THRA: variants seen among roughly 807,000 people sequenced by gnomAD.
THRA encodes the protein thyroid hormone receptor alpha.
A neutral mutation model predicts 45.0 loss-of-function variants in THRA; 13 were observed. That is an observed-to-expected ratio of 0.29 (90% CI 0.19 to 0.46). The LOEUF is 0.46. Ranked by LOEUF, THRA falls within the 20% of genes least tolerant of loss-of-function variation. The probability of loss-of-function intolerance (pLI) is 1.00; values close to 1 mark genes in which losing one functional copy is unlikely to be tolerated. For missense variants in THRA, 278 were observed against 556.1 expected, an observed-to-expected ratio of 0.50 and a Z score of 5.03; for synonymous variants, 195 against 214.0, an observed-to-expected ratio of 0.91 and a Z score of 0.78.
intron 1 of THRA, among the ~76,000 whole-genome samples, chr17:40,070,179 G>A (rs1986724447): frequency 6.6e-6 from 1 of 151,974 alleles, no homozygotes; most frequent in Non-Finnish European, 1.5e-5. Context: ...GGCCCAGTGA[G>A]AGCTCACCAA....
At chr17:40,073,333 A>G (rs982064645) in intron 1 of THRA, among the ~76,000 whole-genome samples, 1 of 152,182 alleles carries the variant, frequency 6.6e-6, no homozygotes, top group East Asian at 1.9e-4. Flanking sequence ...GTAGCAGAAC[A>G]AGGCTAGCAT....
At chr17:40,062,773 G>A (rs1357438468), upstream of THRA, 2 of 142,670 alleles carry the variant, frequency 1.4e-5, no homozygotes, top group Non-Finnish European at 1.6e-5. Context: ...GGGTCCCGGG[G>A]CGCGGCAGGG....
At position 40,076,894 on chromosome 17, in the gene THRA, G is replaced by T; in HGVS notation, c.77G>T (p.Arg26Leu). ...ENSARSPDGK[R>L]KRKNGQCSLK... is the part of the protein sequence containing the mutation. ...AGTGCCAGGTCACCAGATGGAAAGC[G>T]AAAAAGAAAGAACGGCCAATGTTCC... Residue 26 changes from arginine to leucine, a missense_variant, in exon 3 of 9, where the codon CGA becomes CTA. Arg to Leu is a moderately radical substitution (Grantham distance 102). Around this residue, in one of 6 missense-constraint regions of THRA, gnomAD observed 34 missense variants for 39.7 expected, o/e 0.86. Transcript: ENST00000450525. 6.2e-7 allele frequency: 1 copy of T among 1,614,078 alleles called. No individual in the cohort carries two copies. Among genetic ancestry groups the T allele is most frequent in the Middle Eastern group, 1.7e-4 (1 of 6,060 alleles).
intron 4 of THRA, among the ~76,000 whole-genome samples, chr17:40,081,338 C>T (rs1233331975): frequency 2.0e-5 from 3 of 151,942 alleles, no homozygotes; most frequent in Non-Finnish European, 4.4e-5. Context: ...GCAGCCTTGA[C>T]CTCCTGGTCT....
At chr17:40,065,758 C>T (rs1986532635) in intron 1 of THRA, among the ~76,000 whole-genome samples, 1 of 91,070 alleles carries the variant, frequency 1.1e-5, no homozygotes, top group East Asian at 3.3e-4. Context: ...GTTTTAGGGG[C>T]TGGGAATGGG....
At chr17:40,085,686 C>T (rs1030963993) in intron 6 of THRA, among the ~76,000 whole-genome samples, 1 of 151,268 alleles carries the variant, frequency 6.6e-6, no homozygotes, top group Non-Finnish European at 1.5e-5. Flanking sequence ...TCTTGTTGTC[C>T]AGGCTGGAGT....
At chr17:40,074,093 T>C (rs1986868163) in intron 1 of THRA, 99 bp from the exon 2 acceptor site, 1 of 239,114 alleles carries the variant, frequency 4.2e-6, no homozygotes, top group African/African-American at 2.3e-5. Flanking sequence ...TGCTGTCTTG[T>C]TATGGGATCC....
chr17:40,089,052 A>G lies in THRA; in HGVS notation c.983-154A>G, dbSNP rs1457060548. Reference sequence around the variant, plus strand: ...CCCTCTCCCTGTGCTTCTCCTGTCCACGTCTCTCAGGGGGAGCTTCTCCCC... The same window carrying G: ...CCCTCTCCCTGTGCTTCTCCTGTCCGCGTCTCTCAGGGGGAGCTTCTCCCC... On this transcript the variant is annotated intron_variant, in intron 8 of 8. Coordinates refer to ENST00000450525, the MANE Select transcript of THRA (RefSeq NM_199334.5). This position sits in a 1 kb window ranked among gnomAD's most constrained non-coding sequence, Gnocchi z 6.1. Among the ~76,000 whole-genome samples the G allele has an allele frequency of 9.1e-6, 1 of 109,624 alleles. No homozygotes were observed. Among genetic ancestry groups the G allele is most frequent in the Non-Finnish European group, 1.8e-5 (1 of 56,640 alleles). The allele number at this position is 109,624 out of a possible 152,430, so 71.9% of individuals were successfully genotyped here. A position where few individuals can be genotyped will look rare whatever the true frequency, so the allele number is the denominator to read the frequency against.
chr17:40,084,598 C>G lies in THRA; in HGVS notation c.371-12C>G. ...GTGCCATGCGTTAGACCTTGTGCCT[C>G]TCTGTTCACAGTGGTTCTAGATGAC... On this transcript the variant is annotated splice_polypyrimidine_tract_variant and intron_variant, in intron 5 of 8. Coordinates refer to ENST00000450525, the MANE Select transcript of THRA (RefSeq NM_199334.5). 6.2e-7 allele frequency: 1 copy of G among 1,613,814 alleles called. No homozygotes were observed. The highest frequency in any genetic ancestry group is 8.5e-7 in the Non-Finnish European group (1 of 1,179,836).
rs1305501874 is a variant in THRA at position 40,086,620 on chromosome 17, C to T, written c.577-87C>T. Reference sequence around the variant, plus strand: ...GGGCGGCCCCTCTTCCCCAAGCTGCCTTGGAGCTCCCCCTGGTGGGCAGGG... The same window carrying T: ...GGGCGGCCCCTCTTCCCCAAGCTGCTTTGGAGCTCCCCCTGGTGGGCAGGG... On this transcript the variant is annotated intron_variant, in intron 6 of 8. Coordinates refer to ENST00000450525, the MANE Select transcript of THRA (RefSeq NM_199334.5). The T allele has an allele frequency of 5.2e-6, 8 of 1,538,168 alleles. No individual in the cohort carries two copies. In the African/African-American group the frequency reaches 8.2e-5, roughly 16 times the overall value.
intron 1 of THRA, among the ~76,000 whole-genome samples, chr17:40,064,556 G>A (rs1471749423): frequency 6.6e-6 from 1 of 152,220 alleles, no homozygotes; most frequent in African/African-American, 2.4e-5. Context: ...CTGAGGTTCT[G>A]TAGGCAACAA....
chr17:40,093,047 T>C, downstream of THRA: 1 of 1,614,086 alleles, frequency 6.2e-7, no homozygotes, highest in Non-Finnish European at 8.5e-7. The surrounding 1 kb of genome is among the most constrained non-coding windows in gnomAD (Gnocchi z 5.9). Flanking sequence ...TTCGATTCTG[T>C]ACAAGGGGGC....
In THRA at chr17:40,089,739, G is replaced by GGA. The variant is rs1213463554; in HGVS notation, c.*284_*285dup. The stretch of plus-strand genomic sequence containing the variant: ...GGACCCCATCCTCTCAGAAGGTAGG[G>GGA]GAAGGGCGGGAGGATTGAGAAGGGA... On this transcript the variant is annotated 3_prime_UTR_variant, in exon 9 of 9. Coordinates refer to ENST00000450525, the MANE Select transcript of THRA (RefSeq NM_199334.5). The surrounding 1 kb of genome is among the most constrained non-coding windows in gnomAD (Gnocchi z 6.1). 3 of 1,287,136 alleles carry GGA rather than the reference G, an allele frequency of 2.3e-6. No individual in the cohort carries two copies. Among genetic ancestry groups the GGA allele is most frequent in the Non-Finnish European group, 3.0e-6 (3 of 1,008,792 alleles). The allele number at this position is 1,287,136 out of a possible 1,614,324, so 79.7% of individuals were successfully genotyped here. A position where few individuals can be genotyped will look rare whatever the true frequency, so the allele number is the denominator to read the frequency against.
At chr17:40,071,331 G>A (rs1255283879) in intron 1 of THRA, among the ~76,000 whole-genome samples, 2 of 152,230 alleles carry the variant, frequency 1.3e-5, no homozygotes, top group African/African-American at 2.4e-5. Context: ...GTCCTTTGGG[G>A]GTGTCCTCAG....
At chr17:40,093,492 C>G (rs1987670591), downstream of THRA, 4 of 1,444,318 alleles carry the variant, frequency 2.8e-6, no homozygotes, top group Non-Finnish European at 2.8e-6. This position sits in a 1 kb window ranked among gnomAD's most constrained non-coding sequence, Gnocchi z 5.9. Flanking sequence ...CTCAGCAGGG[C>G]TGGTCACCTC....
chr17:40,072,258 G>T (rs538504115), intron 1 of THRA: 129 of 152,554 alleles, frequency 8.5e-4, no homozygotes, highest in Admixed American at 2.5e-3. Flanking sequence ...ATGCCATGTG[G>T]CTGCCACTGG....
chr17:40,086,165 G>A (rs1468924011), intron 6 of THRA, among the ~76,000 whole-genome samples: 2 of 152,150 alleles, frequency 1.3e-5, no homozygotes. Flanking sequence ...CGTGGTGAAG[G>A]AAGGCAGAAA....
intron 1 of THRA, among the ~76,000 whole-genome samples, chr17:40,068,148 G>C (rs1212739406): frequency 6.6e-6 from 1 of 152,224 alleles, no homozygotes; most frequent in Admixed American, 6.5e-5. Flanking sequence ...GCATGACCGT[G>C]GTGGGAAGAT....
intron 5 of THRA, chr17:40,084,391 A>G (rs1987249962): frequency 3.4e-6 from 2 of 582,396 alleles, no homozygotes; most frequent in Non-Finnish European, 6.1e-6. Context: ...CCAGAACATG[A>G]TATTCATCTG....
Sources: allele counts gnomAD v4.1 joint callset (sites outside exome capture counted in the v4.1 genomes callset), GRCh38; gene constraint gnomAD v4.1.1; regional missense constraint gnomAD v4.1.1; non-coding constraint Gnocchi (gnomAD v3.1); transcripts MANE v1.5; gene names NCBI Gene and HGNC (gene_info 2026-07-23, HGNC 2026-07-21).